The following PLEKHH1 variants were observed in gnomAD, a reference collection of about 807,000 sequenced individuals.
PLEKHH1 encodes the protein pleckstrin homology, MyTH4 and FERM domain containing H1.
Under a neutral mutation model 160.0 loss-of-function variants are expected in PLEKHH1, and 104 were observed. That is an observed-to-expected ratio of 0.65 (90% CI 0.55 to 0.76). PLEKHH1 has a LOEUF of 0.76. Ranked by LOEUF, PLEKHH1 falls within the 30% of genes least tolerant of loss-of-function variation. The probability of loss-of-function intolerance (pLI) is 0.00; values close to 1 mark genes in which losing one functional copy is unlikely to be tolerated. For missense variants in PLEKHH1, 1,427 were observed against 1,724.1 expected (o/e 0.83, Z 3.05); for synonymous variants, 619 against 678.4 (o/e 0.91, Z 1.36).
chr14:67,553,376 T>TA (rs917191571), intron 2 of PLEKHH1, among the ~76,000 whole-genome samples: 1,952 of 149,066 alleles, frequency 0.013, 78 homozygotes, highest in Admixed American at 0.075. Flanking sequence ...TCTGTGTGGG[T>TA]AAAAAAAAAA....
chr14:67,566,896 G>A (rs1030525582), intron 7 of PLEKHH1, among the ~76,000 whole-genome samples: 5 of 152,098 alleles, frequency 3.3e-5, no homozygotes, highest in African/African-American at 7.2e-5. Context: ...ATCAGATGAC[G>A]TTCTCCCCAG....
intron 1 of PLEKHH1, among the ~76,000 whole-genome samples, chr14:67,537,346 A>AAATAATAATAAT (rs111429286): frequency 0.045 from 5,650 of 126,466 alleles, 154 homozygotes; most frequent in Middle Eastern, 0.091. Context: ...TCCATCTCAA[A>AAATAATAATAAT]AATAATAATA....
rs573365970 is a variant in PLEKHH1 at position 67,536,764 on chromosome 14, C to T, written c.-35+3366C>T. Among the ~76,000 whole-genome samples the T allele has an allele frequency of 4.6e-5, 7 of 151,924 alleles. No individual in the cohort carries two copies. The South Asian group carries it at 8.3e-4, about 18-fold the overall frequency. ...TTTGTATTAAACTTAATCTTGGGGTCGGGAGTGGTGGCTCACGCCTGTAAT... is the reference window on the plus strand; with the variant it reads ...TTTGTATTAAACTTAATCTTGGGGTTGGGAGTGGTGGCTCACGCCTGTAAT... On this transcript the variant is annotated intron_variant, in intron 1 of 28. Coordinates refer to ENST00000329153, the MANE Select transcript of PLEKHH1 (RefSeq NM_020715.3).
chr14:67,577,194 G>A (rs150239133), intron 17 of PLEKHH1, 108 bp from the exon 18 acceptor site: 16 of 747,596 alleles, frequency 2.1e-5, no homozygotes, highest in African/African-American at 5.2e-5. Flanking sequence ...AAGTGTTGAC[G>A]GAAGATAAAC....
Position 67,581,065 on chromosome 14 carries a change from C to T in PLEKHH1, c.3284+27C>T, listed in dbSNP as rs200867944. On this transcript the variant is annotated intron_variant, in intron 23 of 28. Transcript: ENST00000329153. ...TCCTAAGCACTGCACGAGGGTGGGG[C>T]CAAACACAAGGGCTGCCACTGGGTG... 2.1e-6 allele frequency: 3 copies of T among 1,455,180 alleles called. No individual in the cohort carries two copies. The East Asian group carries it at 6.8e-5, about 33-fold the overall frequency. The allele number at this position is 1,455,180 out of a possible 1,614,324, so 90.1% of individuals were successfully genotyped here.
Position 67,589,557 on chromosome 14 carries a change from T to C in PLEKHH1, c.*2322T>C. ...AGGTAACTGTGTGTTTTGGAAGATC[T>C]GTTTATTAACAGTAAATAAATAAGC... is the stretch of plus-strand genomic sequence containing the variant. On this transcript the variant is annotated 3_prime_UTR_variant, in exon 29 of 29. Transcript: ENST00000329153. 1 of 985,460 alleles carries C rather than the reference T, an allele frequency of 1.0e-6. No homozygotes were observed. The highest frequency in any genetic ancestry group is 1.2e-6 in the Non-Finnish European group (1 of 829,940). The allele number at this position is 985,460 out of a possible 1,614,324, so 61.0% of individuals were successfully genotyped here. A position where few individuals can be genotyped will look rare whatever the true frequency, so the allele number is the denominator to read the frequency against.
chr14:67,586,817 CAGAGCAGAACACTGGGCCTCCTT>C (rs1395468795), intron 28 of PLEKHH1: 3 of 1,455,070 alleles, frequency 2.1e-6, no homozygotes, highest in Non-Finnish European at 2.7e-6. Flanking sequence ...TAGAGCTAAC[CAGAGCAGAACACTGGGCCTCCTT>C]TTCTCAGAAG....
chr14:67,544,130 A>G (rs80288369), intron 2 of PLEKHH1, among the ~76,000 whole-genome samples: 8 of 152,342 alleles, frequency 5.3e-5, no homozygotes, highest in African/African-American at 1.9e-4. Flanking sequence ...AAAATAAAAA[A>G]TGGTCAGGAA....
intron 2 of PLEKHH1, among the ~76,000 whole-genome samples, chr14:67,554,347 G>A (rs2034512002): frequency 6.6e-6 from 1 of 152,312 alleles, no homozygotes; most frequent in Middle Eastern, 3.4e-3. Flanking sequence ...CCAGGCTGAA[G>A]GGAGAAGGTT....
chr14:67,546,193 G>A (rs2034170838), intron 2 of PLEKHH1, among the ~76,000 whole-genome samples: 2 of 152,204 alleles, frequency 1.3e-5, no homozygotes, highest in Admixed American at 6.5e-5. Context: ...TAGGGTCAAC[G>A]CCGGGGGAAG....
chr14:67,579,203 G>T lies in PLEKHH1; in HGVS notation c.2919G>T (p.Arg973=). 1 of 1,611,388 alleles carries T rather than the reference G, an allele frequency of 6.2e-7. No homozygotes were observed. The highest frequency in any genetic ancestry group is 1.3e-5 in the African/African-American group (1 of 74,902). Residue 973 remains arginine (R), a synonymous_variant, in exon 21 of 29, where the codon CGG becomes CGT. Coordinates refer to ENST00000329153, the MANE Select transcript of PLEKHH1 (RefSeq NM_020715.3). ...AVERTLRTGE[R]EARPSRMEVV... ...AGCGGACCCTGCGGACCGGGGAGCG[G>T]GAAGCCAGGCCATCGCGCATGGAAG...
At chr14:67,560,559 T>C (rs1243446910) in intron 5 of PLEKHH1, among the ~76,000 whole-genome samples, 1 of 152,134 alleles carries the variant, frequency 6.6e-6, no homozygotes, top group African/African-American at 2.4e-5. Flanking sequence ...GTAACCTCTA[T>C]TCCACCTTCC....
At chr14:67,538,903 G>A (rs998451131) in intron 1 of PLEKHH1, among the ~76,000 whole-genome samples, 2 of 152,166 alleles carry the variant, frequency 1.3e-5, no homozygotes, top group African/African-American at 2.4e-5. Context: ...AGACACCAGT[G>A]ACATATTTCC....
rs1310581911 is a variant in PLEKHH1, at chr14:67,562,758, A to G, written c.1127A>G (p.Lys376Arg). 6.8e-6 allele frequency: 11 copies of G among 1,613,728 alleles called. 1 individual carries two copies. Among genetic ancestry groups the G allele is most frequent in the Middle Eastern group, 1.6e-4 (1 of 6,084 alleles). The part of the protein sequence containing the change: ...SRARSREEPE[K>R]MEMEEPPPAG... ...GCTAGGTCCCGGGAGGAACCAGAGA[A>G]GATGGAGATGGAGGAGCCACCCCCA... Residue 376 changes from lysine (K) to arginine (R), a missense_variant, in exon 7 of 29, where the codon AAG (lysine) becomes AGG (arginine). Lys to Arg is a conservative substitution (Grantham distance 26). This residue lies in a region of PLEKHH1 where 831 missense variants were observed against 929.2 expected (regional missense o/e 0.89). Transcript: ENST00000329153.
intron 1 of PLEKHH1, among the ~76,000 whole-genome samples, chr14:67,534,891 A>G (rs923066918): frequency 5.0e-4 from 76 of 152,228 alleles, no homozygotes; most frequent in Non-Finnish European, 1.0e-4. Flanking sequence ...ACTCTGATGT[A>G]TATGAAATGG....
Position 67,576,612 on chromosome 14 carries a change from A to G in PLEKHH1, c.2461+109A>G. The G allele has an allele frequency of 1.0e-5, 6 of 595,528 alleles. No individual in the cohort carries two copies. The South Asian group carries it at 1.2e-4, about 12-fold the overall frequency. 36.9% of individuals were successfully genotyped at this position (595,528 alleles called of 1,614,324 possible). A position where few individuals can be genotyped will look rare whatever the true frequency, so the allele number is the denominator to read the frequency against. ...TGTACCCTGAAGCTGTTTTTAAAACATCTAAGCCACAGAGGGGAAGTTCCC... is the reference window on the plus strand; with the variant it reads ...TGTACCCTGAAGCTGTTTTTAAAACGTCTAAGCCACAGAGGGGAAGTTCCC... On this transcript the variant is annotated intron_variant, in intron 17 of 28. Coordinates refer to ENST00000329153, the MANE Select transcript of PLEKHH1 (RefSeq NM_020715.3). The surrounding 1 kb of genome is among the most constrained non-coding windows in gnomAD (Gnocchi z 4.0).
Position 67,562,771 on chromosome 14 carries a change from G to A in PLEKHH1, c.1140G>A (p.Glu380=). The A allele has an allele frequency of 1.2e-6, 2 of 1,613,856 alleles. No individual in the cohort carries two copies. Among genetic ancestry groups the A allele is most frequent in the Non-Finnish European group, 1.7e-6 (2 of 1,179,834 alleles). The change falls in exon 7 of 29, where the codon GAG becomes GAA. Residue 380 remains glutamate (E), a synonymous_variant. Transcript: ENST00000329153. ...SREEPEKMEM[E]EPPPAGKNEE... ...AGGAACCAGAGAAGATGGAGATGGA[G>A]GAGCCACCCCCAGCAGGGAAGAATG...
At chr14:67,563,212 C>T (rs1231608897) in intron 7 of PLEKHH1, among the ~76,000 whole-genome samples, 11 of 152,180 alleles carry the variant, frequency 7.2e-5, no homozygotes. Flanking sequence ...TGGTCAAGAG[C>T]ATAGGCCCCA....
At chr14:67,585,312 C>T (rs185821207) in intron 26 of PLEKHH1, 62 of 460,208 alleles carry the variant, frequency 1.3e-4, no homozygotes, top group African/African-American at 1.2e-3. Flanking sequence ...GTTCTAGGGA[C>T]ATCAAAAGAA....
Sources: gnomAD v4.1 joint callset for allele counts (sites outside exome capture counted in the v4.1 genomes callset) on GRCh38, gnomAD v4.1.1 for gene constraint, gnomAD v4.1.1 regional missense constraint, Gnocchi (gnomAD v3.1) non-coding constraint, MANE v1.5 for transcripts, NCBI Gene and HGNC (gene_info 2026-07-23, HGNC 2026-07-21) for gene names.